DMD: variants seen among roughly 807,000 people sequenced by gnomAD.
DMD encodes dystrophin, also known as mutant dystrophin.
Under a neutral mutation model 330.1 loss-of-function variants are expected in DMD, and 63 were observed. That is an observed-to-expected ratio of 0.19 (90% CI 0.16 to 0.24). The LOEUF is 0.24. Among genes scored for constraint, DMD ranks in the 10% least tolerant of loss-of-function variants. The pLI, the probability that DMD is intolerant of heterozygous loss-of-function variation, is 1.00. For missense variants in DMD, 3,344 were observed against 2,684.1 expected (o/e 1.25, Z -5.43); for synonymous variants, 1,223 against 959.8 (o/e 1.27, Z -5.07).
chrX:31,393,988 G>C (rs2060803150), intron 60 of DMD, among the ~76,000 whole-genome samples: 2 of 112,436 alleles, frequency 1.8e-5, no homozygotes, highest in South Asian at 7.3e-4. Flanking sequence ...TTTTGTATAT[G>C]AGGAAACTGA....
At chrX:31,857,364 G>A (rs1318331102) in intron 48 of DMD, among the ~76,000 whole-genome samples, 1 of 73,286 alleles carries the variant, frequency 1.4e-5, no homozygotes, top group Non-Finnish European at 2.3e-5. Flanking sequence ...GGGTGATGGA[G>A]CAAGACTCCA....
chrX:32,953,064 G>A (rs1204862417), intron 2 of DMD, among the ~76,000 whole-genome samples: 1 of 105,395 alleles, frequency 9.5e-6, no homozygotes, highest in Non-Finnish European at 1.9e-5. Context: ...GAACCCAGGA[G>A]ATGGAGGTTG....
intron 1 of DMD, among the ~76,000 whole-genome samples, chrX:33,244,892 G>A (rs768067414): frequency 2.9e-4 from 32 of 111,813 alleles, no homozygotes; most frequent in South Asian, 1.5e-3. Context: ...GTGTCTTCAA[G>A]TCATGCATAA....
intron 30 of DMD, among the ~76,000 whole-genome samples, chrX:32,393,468 C>T (rs1306568792): frequency 3.6e-5 from 4 of 111,474 alleles, no homozygotes; most frequent in Non-Finnish European, 1.9e-5. Flanking sequence ...TGATCATAAT[C>T]ACAGATAACA....
At chrX:32,746,633 T>A (rs2070056183) in intron 7 of DMD, among the ~76,000 whole-genome samples, 1 of 112,120 alleles carries the variant, frequency 8.9e-6, no homozygotes. Flanking sequence ...TATATGAATA[T>A]AACATGTAAT....
chrX:32,868,771 G>C (rs111575976), intron 2 of DMD, among the ~76,000 whole-genome samples: 8,368 of 112,025 alleles, frequency 0.075, 800 homozygotes, highest in African/African-American at 0.25. Flanking sequence ...GAGCCCCTAG[G>C]GGGAGGGGTG....
intron 44 of DMD, among the ~76,000 whole-genome samples, chrX:32,210,491 C>G (rs1331489196): frequency 8.9e-6 from 1 of 111,863 alleles, no homozygotes; most frequent in African/African-American, 3.2e-5. Context: ...GTTAAGAAGC[C>G]GTCAAACTCA....
chrX:32,375,604 A>C (rs1185877922), intron 34 of DMD, among the ~76,000 whole-genome samples: 1 of 112,182 alleles, frequency 8.9e-6, no homozygotes, highest in African/African-American at 3.2e-5. Context: ...GGAATGAAAT[A>C]TTACAAGTAT....
intron 59 of DMD, among the ~76,000 whole-genome samples, chrX:31,467,299 G>A (rs1260619091): frequency 9.0e-6 from 1 of 111,547 alleles, no homozygotes; most frequent in African/African-American, 3.3e-5. Context: ...ATGGCTGTGG[G>A]TTTGTCATAA....
At chrX:32,640,734 C>T (rs964609449) in intron 11 of DMD, among the ~76,000 whole-genome samples, 1 of 111,460 alleles carries the variant, frequency 9.0e-6, no homozygotes. Context: ...ACTACTGTGT[C>T]TTAACTGGCC....
At chrX:32,186,198 A>C in intron 44 of DMD, among the ~76,000 whole-genome samples, 1 of 110,713 alleles carries the variant, frequency 9.0e-6, no homozygotes, top group South Asian at 3.8e-4. Context: ...TCTTCCATTA[A>C]TCTCACACTC....
intron 60 of DMD, among the ~76,000 whole-genome samples, chrX:31,400,963 T>A (rs1328794340): frequency 9.0e-6 from 1 of 111,702 alleles, no homozygotes; most frequent in African/African-American, 3.3e-5. Flanking sequence ...GGAAAGCCAA[T>A]TTTCATTTAT....
At chrX:32,916,669 G>T (rs1314508093) in intron 2 of DMD, among the ~76,000 whole-genome samples, 1 of 111,443 alleles carries the variant, frequency 9.0e-6, no homozygotes, top group Non-Finnish European at 1.9e-5. Flanking sequence ...GATATAATTG[G>T]CTAAAGTTTA....
chrX:33,160,943 A>G (rs1002582665), intron 1 of DMD, among the ~76,000 whole-genome samples: 2 of 112,088 alleles, frequency 1.8e-5, no homozygotes, highest in Admixed American at 1.9e-4. Context: ...AATGAATTAA[A>G]TGTCCAACCT....
At chrX:33,069,095 T>C (rs2148140559) in intron 1 of DMD, among the ~76,000 whole-genome samples, 1 of 112,269 alleles carries the variant, frequency 8.9e-6, no homozygotes, top group South Asian at 3.7e-4. Flanking sequence ...AGTAATATTA[T>C]TTTATGTAAA....
At chrX:31,461,983 G>A (rs1429628532) in intron 59 of DMD, among the ~76,000 whole-genome samples, 1 of 111,702 alleles carries the variant, frequency 9.0e-6, no homozygotes, top group African/African-American at 3.3e-5. Context: ...GTGGTGTGCT[G>A]CAGCAGAGCC....
At chrX:31,348,658 A>G in intron 60 of DMD, 24 bp from the exon 61 acceptor site, 2 of 1,133,138 alleles carry the variant, frequency 1.8e-6, no homozygotes, top group Non-Finnish European at 2.4e-6. Flanking sequence ...GAGAGAAATG[A>G]TGTTCTCTCA....
intron 1 of DMD, among the ~76,000 whole-genome samples, chrX:33,306,038 T>A (rs912109931): frequency 4.5e-5 from 5 of 112,091 alleles, no homozygotes; most frequent in Non-Finnish European, 7.5e-5. Context: ...TTGGGGATCA[T>A]AATCAACTAG....
chrX:32,535,327 C>T (rs1157236359), intron 17 of DMD, among the ~76,000 whole-genome samples: 3 of 111,801 alleles, frequency 2.7e-5, no homozygotes, highest in Non-Finnish European at 5.6e-5. Flanking sequence ...ATATACATTT[C>T]CCAACACCAC....
Sources: gnomAD v4.1 joint callset for allele counts (sites outside exome capture counted in the v4.1 genomes callset) on GRCh38, gnomAD v4.1.1 for gene constraint, MANE v1.5 for transcripts, NCBI Gene and HGNC (gene_info 2026-07-23, HGNC 2026-07-21) for gene names.